OTOF: variants seen among roughly 807,000 people sequenced by gnomAD.
The protein encoded by OTOF is otoferlin.
In OTOF, 218 loss-of-function variants were observed where a neutral mutation model predicts 236.8. The observed-to-expected ratio is 0.92, with a 90% CI of 0.82 to 1.03. The LOEUF is 1.03. OTOF is among the 50% of genes least tolerant of loss of function. The pLI is 0.00. For missense variants in OTOF, 2,590 were observed against 2,694.4 expected (o/e 0.96, Z 0.86); for synonymous variants, 1,041 against 1,072.5 (o/e 0.97, Z 0.57).
At chr2:26,531,968 C>G (rs1666959256) in intron 2 of OTOF, among the ~76,000 whole-genome samples, 1 of 151,774 alleles carries the variant, frequency 6.6e-6, no homozygotes, top group Non-Finnish European at 1.5e-5. Flanking sequence ...TGGTGCATGC[C>G]TGTAATCTCA....
At chr2:26,545,378 T>C (rs1222895039) in intron 1 of OTOF, among the ~76,000 whole-genome samples, 3 of 152,216 alleles carry the variant, frequency 2.0e-5, no homozygotes, top group East Asian at 1.9e-4. Context: ...TATTGACTTA[T>C]AGGGATTCTT....
At chr2:26,475,762 T>A in intron 24 of OTOF, 152 bp downstream of exon 24, 1 of 1,021,188 alleles carries the variant, frequency 9.8e-7, no homozygotes, top group Non-Finnish European at 1.4e-6. Context: ...GCTGCAGTTA[T>A]CTGCAGGGCT....
intron 9 of OTOF, among the ~76,000 whole-genome samples, chr2:26,492,168 T>C (rs1665865075): frequency 6.6e-6 from 1 of 152,184 alleles, no homozygotes; most frequent in South Asian, 2.1e-4. Flanking sequence ...TAGTTTAGAA[T>C]GGTGGTCTCA....
intron 5 of OTOF, among the ~76,000 whole-genome samples, chr2:26,514,497 G>A (rs1422730960): frequency 6.6e-6 from 1 of 152,226 alleles, no homozygotes; most frequent in East Asian, 1.9e-4. Flanking sequence ...ACTCTCTTAG[G>A]ACTGAGTGAG....
chr2:26,501,519 G>T (rs538124404), intron 8 of OTOF, among the ~76,000 whole-genome samples: 3 of 152,192 alleles, frequency 2.0e-5, no homozygotes, highest in Non-Finnish European at 2.9e-5. Context: ...TACTGGAAGG[G>T]CTTTGATTAG....
chr2:26,459,892 G>T, intron 46 of OTOF, 116 bp downstream of exon 46: 1 of 987,372 alleles, frequency 1.0e-6, no homozygotes, highest in Non-Finnish European at 1.5e-6. Flanking sequence ...ATGCTTGTGT[G>T]TGTTTGTGTG....
intron 1 of OTOF, among the ~76,000 whole-genome samples, chr2:26,550,881 G>T (rs965990083): frequency 6.6e-6 from 1 of 152,022 alleles, no homozygotes; most frequent in African/African-American, 2.4e-5. Flanking sequence ...GTTTGGCTGC[G>T]TCCCCCGTGC....
Position 26,551,271 on chromosome 2 carries a change from G to A in OTOF, c.79+7222C>T, listed in dbSNP as rs931582889. Among the ~76,000 whole-genome samples the A allele has an allele frequency of 1.1e-4, 17 of 152,214 alleles. 1 individual carries two copies. Among genetic ancestry groups the A allele is most frequent in the Admixed American group, 3.9e-4 (6 of 15,284 alleles). On this transcript the variant is annotated intron_variant, in intron 1 of 46. Coordinates refer to ENST00000272371, the MANE Select transcript of OTOF (RefSeq NM_194248.3). The stretch of plus-strand genomic sequence containing the variant: ...CTCCCAAAGTGCTGGGATTACAGGC[G>A]TGAGCCACCATGCCCAGCCCTTTCA...
At chr2:26,497,026 C>T (rs1031233879) in intron 8 of OTOF, among the ~76,000 whole-genome samples, 1 of 149,834 alleles carries the variant, frequency 6.7e-6, no homozygotes, top group African/African-American at 2.4e-5. Context: ...CTCTCTCAAA[C>T]GTGTGTTTTA....
chr2:26,537,626 G>C, intron 2 of OTOF, 90 bp downstream of exon 2: 1 of 960,226 alleles, frequency 1.0e-6, no homozygotes, highest in Non-Finnish European at 1.6e-6. Context: ...CTGGGATTTG[G>C]GGCCAGTGTG....
Position 26,474,508 on chromosome 2 carries a change from C to T in OTOF, c.3288+5G>A, listed in dbSNP as rs1255379429. On this transcript the variant is annotated splice_donor_5th_base_variant and intron_variant, in intron 26 of 46. Coordinates refer to ENST00000272371, the MANE Select transcript of OTOF (RefSeq NM_194248.3). ...GGCCTCAGCCCCTCTTCCCTGCAGT[C>T]CCACCTGCAGCAGCTCGAAGGCCGC... The T allele has an allele frequency of 6.3e-7, 1 of 1,595,474 alleles. No individual in the cohort carries two copies. The highest frequency in any genetic ancestry group is 1.1e-5 in the South Asian group (1 of 89,122).
At chr2:26,459,786 T>C (rs932187923) in intron 46 of OTOF, among the ~76,000 whole-genome samples, 3 of 152,204 alleles carry the variant, frequency 2.0e-5, no homozygotes, top group Non-Finnish European at 4.4e-5. Context: ...CATGAAAGCT[T>C]GAAAGTTGCT....
At chr2:26,547,219 T>C (rs935768163) in intron 1 of OTOF, among the ~76,000 whole-genome samples, 1 of 152,244 alleles carries the variant, frequency 6.6e-6, no homozygotes, top group Non-Finnish European at 1.5e-5. Context: ...ATTTTCTGCA[T>C]CTATTGATAT....
intron 5 of OTOF, among the ~76,000 whole-genome samples, chr2:26,511,252 G>T (rs1176857066): frequency 6.6e-6 from 1 of 152,206 alleles, no homozygotes; most frequent in Non-Finnish European, 1.5e-5. Flanking sequence ...GCTCTGTGAG[G>T]GTGAGGCAGG....
In OTOF at chr2:26,495,216, C is replaced by T; in HGVS notation, c.766-143G>A. The T allele has an allele frequency of 6.8e-6, 5 of 731,436 alleles. No individual in the cohort carries two copies. The South Asian group carries it at 8.5e-5, about 12-fold the overall frequency. The allele number at this position is 731,436 out of a possible 1,614,324, so 45.3% of individuals were successfully genotyped here. On this transcript the variant is annotated intron_variant, in intron 8 of 46. Transcript: ENST00000272371. ...GGCCTCCTGGGCTCCATTCTGACCA[C>T]TGCCTCTCATCTGCTGGGTGATCCT...
intron 22 of OTOF, 60 bp downstream of exon 22, chr2:26,476,828 AGGT>A: frequency 6.8e-7 from 1 of 1,460,910 alleles, no homozygotes; most frequent in Non-Finnish European, 9.5e-7. Context: ...TTCCAGCCCC[AGGT>A]GGGGGCTGCT....
intron 35 of OTOF, 120 bp downstream of exon 35, chr2:26,466,979 G>A (rs1215394381): frequency 1.9e-6 from 3 of 1,559,298 alleles, no homozygotes; most frequent in African/African-American, 2.7e-5. Context: ...GCTGAGTCAT[G>A]GGAGAGTCCA....
At position 26,470,688 on chromosome 2, in the gene OTOF, T is replaced by A. The variant is rs1393730625; in HGVS notation, c.3928A>T (p.Lys1310Ter). Residue 1310 changes from lysine (K) to a stop codon, truncating the protein, a stop_gained, in exon 32 of 47, where the codon AAG (lysine) becomes TAG (stop). Transcript: ENST00000272371. LOFTEE classifies it high-confidence loss of function. This position sits in a 1 kb window ranked among gnomAD's most constrained non-coding sequence, Gnocchi z 4.3. ...TCCTCTGGCTCCTCCGCAGTGCCCT[T>A]CTTCTTCTTCTTCTTCTCCTTCTCC... ...EEEKEKKKKKKGTAEEPEEEE... is the reference protein window; with the variant it reads ...EEEKEKKKKK 1 of 1,561,818 alleles carries A rather than the reference T, an allele frequency of 6.4e-7. No individual in the cohort carries two copies. The highest frequency in any genetic ancestry group is 8.8e-7 in the Non-Finnish European group (1 of 1,138,208).
At chr2:26,537,237 G>A (rs1667093084) in intron 2 of OTOF, among the ~76,000 whole-genome samples, 1 of 152,174 alleles carries the variant, frequency 6.6e-6, no homozygotes, top group Non-Finnish European at 1.5e-5. Flanking sequence ...ACTCAGGTGG[G>A]GTGCTTGACA....
Sources: gnomAD v4.1 joint callset for allele counts (sites outside exome capture counted in the v4.1 genomes callset) on GRCh38, gnomAD v4.1.1 for gene constraint, Gnocchi (gnomAD v3.1) non-coding constraint, MANE v1.5 for transcripts, NCBI Gene and HGNC (gene_info 2026-07-23, HGNC 2026-07-21) for gene names.